Variants in ZC3H12B observed in about 807,000 individuals in gnomAD.
The protein encoded by ZC3H12B is zinc finger CCCH-type containing 12B.
A neutral mutation model predicts 43.9 loss-of-function variants in ZC3H12B; 7 were observed. That is an observed-to-expected ratio of 0.16 (90% CI 0.09 to 0.30). The LOEUF is 0.30. Ranked by LOEUF, ZC3H12B falls within the 10% of genes least tolerant of loss-of-function variation. The pLI is 1.00. For missense variants in ZC3H12B, 475 were observed against 670.2 expected (o/e 0.71, Z 3.22); for synonymous variants, 222 against 241.7 (o/e 0.92, Z 0.76).
At chrX:65,176,052 C>T in the ZC3H12B span, among the ~76,000 whole-genome samples, 2 of 111,694 alleles carry the variant, frequency 1.8e-5, no homozygotes, top group African/African-American at 3.3e-5. Context: ...CATTCACTAC[C>T]CTGGAAAGGA....
At chrX:65,445,567 GC>G (rs2067364769) in intron 3 of ZC3H12B, among the ~76,000 whole-genome samples, 1 of 112,497 alleles carries the variant, frequency 8.9e-6, no homozygotes, top group South Asian at 3.7e-4. Context: ...CATCTCTAAG[GC>G]CACTACCACT....
At chrX:65,134,490 A>T in the ZC3H12B span, among the ~76,000 whole-genome samples, 1 of 111,950 alleles carries the variant, frequency 8.9e-6, no homozygotes, top group Non-Finnish European at 1.9e-5. Flanking sequence ...TTGGAAGGAC[A>T]GGGAGATTGA....
At chrX:65,497,571 A>G (rs1002946812) in intron 2 of ZC3H12B, among the ~76,000 whole-genome samples, 7 of 112,311 alleles carry the variant, frequency 6.2e-5, no homozygotes, top group African/African-American at 2.3e-4. Flanking sequence ...GGTTATGAGC[A>G]TGACTAAGTT....
the ZC3H12B span, among the ~76,000 whole-genome samples, chrX:65,240,136 G>A: frequency 1.8e-5 from 2 of 111,586 alleles, no homozygotes; most frequent in Non-Finnish European, 3.8e-5. Context: ...TTAGGTTTTG[G>A]AAGTTTTCCT....
the ZC3H12B span, among the ~76,000 whole-genome samples, chrX:65,212,088 A>G: frequency 1.7e-5 from 1 of 59,870 alleles, no homozygotes; most frequent in Non-Finnish European, 2.7e-5. Context: ...TATATATTGT[A>G]TAATATATAG....
the ZC3H12B span, among the ~76,000 whole-genome samples, chrX:65,288,019 C>T: frequency 1.0e-5 from 1 of 97,823 alleles, no homozygotes; most frequent in East Asian, 2.9e-4. Flanking sequence ...TCACCAGAGA[C>T]TATTATGAAC....
At chrX:65,202,870 G>A in the ZC3H12B span, among the ~76,000 whole-genome samples, 2 of 111,649 alleles carry the variant, frequency 1.8e-5, no homozygotes, top group African/African-American at 6.5e-5. Context: ...GTCTAGAGCT[G>A]TAGTCCAGGA....
the ZC3H12B span, among the ~76,000 whole-genome samples, chrX:65,085,664 C>T: frequency 9.1e-6 from 1 of 109,358 alleles, no homozygotes; most frequent in Admixed American, 9.8e-5. Flanking sequence ...CCCAGCTACT[C>T]GGAAGTATAA....
the ZC3H12B span, among the ~76,000 whole-genome samples, chrX:65,257,213 T>A: frequency 2.7e-5 from 3 of 112,039 alleles, no homozygotes; most frequent in African/African-American, 9.7e-5. Context: ...CAAATGTCCA[T>A]CAATGATATA....
At chrX:65,372,501 AAAGGAAGGAAGG>A (rs542094495) in intron 2 of ZC3H12B, among the ~76,000 whole-genome samples, 107 of 83,454 alleles carry the variant, frequency 1.3e-3, no homozygotes, top group African/African-American at 1.9e-3. Context: ...GGAAGGAAGG[AAAGGAAGGAAGG>A]AAGGAAGGAA....
chrX:65,197,453 T>C, the ZC3H12B span, among the ~76,000 whole-genome samples: 1 of 112,153 alleles, frequency 8.9e-6, no homozygotes, highest in African/African-American at 3.2e-5. Context: ...ACTGTTGTTA[T>C]CTGTCTCCAA....
chrX:65,095,149 A>G, the ZC3H12B span, among the ~76,000 whole-genome samples: 1 of 112,113 alleles, frequency 8.9e-6, no homozygotes, highest in African/African-American at 3.2e-5. Context: ...GATGAAATCA[A>G]TGGTGATGTT....
chrX:65,499,787 A>G (rs771241435), intron 3 of ZC3H12B, 96 bp from the exon 9 acceptor site: 244 of 656,264 alleles, frequency 3.7e-4, no homozygotes, highest in Middle Eastern at 6.4e-4. Context: ...GAAGGCTGTG[A>G]CAACAGTACA....
the ZC3H12B span, among the ~76,000 whole-genome samples, chrX:65,155,731 G>A: frequency 2.7e-5 from 3 of 110,776 alleles, no homozygotes; most frequent in African/African-American, 9.9e-5. Context: ...GTGGTGGCAG[G>A]TGCCTGAAGT....
At chrX:65,075,138 T>A in the ZC3H12B span, among the ~76,000 whole-genome samples, 3 of 112,242 alleles carry the variant, frequency 2.7e-5, no homozygotes, top group Non-Finnish European at 5.6e-5. Flanking sequence ...CTCTGAGACA[T>A]TTTATGTGTA....
At chrX:65,492,966 G>C (rs902610438) in intron 1 of ZC3H12B, among the ~76,000 whole-genome samples, 21 of 110,728 alleles carry the variant, frequency 1.9e-4, no homozygotes, top group African/African-American at 6.9e-4. Context: ...AACCCAGCGT[G>C]GGGGTTCATG....
intron 2 of ZC3H12B, among the ~76,000 whole-genome samples, chrX:65,385,817 C>A (rs1301033953): frequency 8.9e-6 from 1 of 111,913 alleles, no homozygotes; most frequent in East Asian, 2.8e-4. Context: ...GAGCTATGTC[C>A]CATCAATACC....
At chrX:65,288,792 A>G in the ZC3H12B span, among the ~76,000 whole-genome samples, 1 of 111,809 alleles carries the variant, frequency 8.9e-6, no homozygotes, top group Non-Finnish European at 1.9e-5. Context: ...ATTCGAAAAA[A>G]GAAAGTCAAA....
the ZC3H12B span, among the ~76,000 whole-genome samples, chrX:65,158,965 G>A: frequency 1.8e-5 from 2 of 111,760 alleles, no homozygotes; most frequent in East Asian, 2.8e-4. Flanking sequence ...TGTAAGGAAG[G>A]GATCCAGTTT....
Sources: gnomAD v4.1 joint callset for allele counts (sites outside exome capture counted in the v4.1 genomes callset) on GRCh38, gnomAD v4.1.1 for gene constraint, MANE v1.5 for transcripts, NCBI Gene and HGNC (gene_info 2026-07-23, HGNC 2026-07-21) for gene names.